KCNMA1: variants seen among roughly 807,000 people sequenced by gnomAD.
The protein encoded by KCNMA1 is Calcium-activated potassium channel subunit alpha-1.
Under a neutral mutation model 140.0 loss-of-function variants are expected in KCNMA1, and 29 were observed. The ratio of observed to expected loss-of-function variants is 0.21; its 90% CI spans 0.15 to 0.28. KCNMA1 has a LOEUF of 0.28. Among genes scored for constraint, KCNMA1 ranks in the 10% least tolerant of loss-of-function variants. The pLI, the probability that KCNMA1 is intolerant of heterozygous loss-of-function variation, is 1.00. For synonymous variants in KCNMA1, 612 were observed against 611.9 expected (o/e 1.00, Z 0.00); for missense variants, 880 against 1,602.2 (o/e 0.55, Z 7.70).
chr10:77,251,409 T>C (rs1298082683), intron 2 of KCNMA1, among the ~76,000 whole-genome samples, 153 bp from the exon 3 acceptor site: 1 of 152,146 alleles, frequency 6.6e-6, no homozygotes, highest in African/African-American at 2.4e-5. Flanking sequence ...CCCCCATTAC[T>C]GCTTCAGGTT....
intron 1 of KCNMA1, among the ~76,000 whole-genome samples, chr10:77,555,820 T>A (rs1280292795): frequency 2.6e-5 from 4 of 152,150 alleles, no homozygotes; most frequent in Non-Finnish European, 5.9e-5. Context: ...ATGGAAGGCA[T>A]CTGGAGAGGT....
At chr10:76,932,941 C>T (rs2152718957) in intron 23 of KCNMA1, among the ~76,000 whole-genome samples, 1 of 152,290 alleles carries the variant, frequency 6.6e-6, no homozygotes, top group East Asian at 1.9e-4. Context: ...GTCCTACAGC[C>T]TTGGGCCCTG....
At chr10:77,156,227 TAAAAAAAAA>T (rs58950492) in intron 5 of KCNMA1, among the ~76,000 whole-genome samples, 1,325 of 120,596 alleles carry the variant, frequency 0.011, 23 homozygotes, top group African/African-American at 0.04. Flanking sequence ...GACTCCATCT[TAAAAAAAAA>T]AAAAAAAAAA....
intron 25 of KCNMA1, chr10:76,901,616 T>C (rs371422290): frequency 6.6e-6 from 1 of 152,198 alleles, no homozygotes; most frequent in Non-Finnish European, 1.5e-5. Flanking sequence ...TAGCCTGAAA[T>C]TGTGTGAAAG....
At chr10:77,229,336 C>CAAAAAAAAA (rs146613662) in intron 3 of KCNMA1, among the ~76,000 whole-genome samples, 1 of 123,764 alleles carries the variant, frequency 8.1e-6, no homozygotes, top group African/African-American at 3.1e-5. Context: ...AAGCCCATGG[C>CAAAAAAAAA]AAAAAAAAAA....
At chr10:77,408,508 G>A (rs2096544538) in intron 1 of KCNMA1, among the ~76,000 whole-genome samples, 1 of 151,900 alleles carries the variant, frequency 6.6e-6, no homozygotes, top group Admixed American at 6.6e-5. Flanking sequence ...GTCTGAGAAT[G>A]TGTGCATGTG....
chr10:77,225,955 C>T (rs1180474084), intron 3 of KCNMA1, among the ~76,000 whole-genome samples: 5 of 152,178 alleles, frequency 3.3e-5, no homozygotes, highest in African/African-American at 9.7e-5. Context: ...GGCATCTTCC[C>T]GTCAATGCCC....
rs2093903465 is a variant in KCNMA1, at chr10:77,637,609, T to TGCTGCCGCCGCCGCC, written c.19_33dup (p.Gly7_Ser11dup). ...CCTCCGCCGCCGCCGCCGCCGCCGC[T>TGCTGCCGCCGCCGCC]GCTGCCGCCGCCGCCGCCGCCACCA... On this transcript the variant is annotated inframe_insertion, in exon 1 of 28. Transcript: ENST00000286628. The TGCTGCCGCCGCCGCC allele has an allele frequency of 1.3e-6, 2 of 1,521,256 alleles. No individual in the cohort carries two copies. The highest frequency in any genetic ancestry group is 5.0e-5 in the East Asian group (2 of 40,144). 94.2% of individuals were successfully genotyped at this position (1,521,256 alleles called of 1,614,324 possible).
chr10:76,942,067 G>A (rs1242602702), intron 23 of KCNMA1, among the ~76,000 whole-genome samples: 4 of 152,180 alleles, frequency 2.6e-5, no homozygotes, highest in Admixed American at 2.6e-4. Flanking sequence ...CACCTCCCGG[G>A]TTCAAGTGAT....
intron 1 of KCNMA1, among the ~76,000 whole-genome samples, chr10:77,569,433 A>C (rs1286112096): frequency 7.2e-6 from 1 of 139,112 alleles, no homozygotes; most frequent in Admixed American, 7.5e-5. Flanking sequence ...ATAACGCTGC[A>C]TATCTACAAC....
At chr10:77,506,823 AAGAG>A (rs147091712) in intron 1 of KCNMA1, among the ~76,000 whole-genome samples, 7 of 89,048 alleles carry the variant, frequency 7.9e-5, no homozygotes, top group Non-Finnish European at 1.4e-4. Flanking sequence ...GAGAGAGAGA[AAGAG>A]AGAGAGAGAG....
intron 2 of KCNMA1, among the ~76,000 whole-genome samples, chr10:77,373,289 A>T (rs1268822803): frequency 6.6e-6 from 1 of 152,158 alleles, no homozygotes; most frequent in Non-Finnish European, 1.5e-5. Flanking sequence ...ATACTTTGCC[A>T]CCCAGGTGCC....
intron 18 of KCNMA1, among the ~76,000 whole-genome samples, chr10:77,004,022 G>C (rs1447193984): frequency 6.6e-6 from 1 of 152,102 alleles, no homozygotes; most frequent in Non-Finnish European, 1.5e-5. Flanking sequence ...GCAGGAACAG[G>C]CTGAAACTGG....
intron 1 of KCNMA1, among the ~76,000 whole-genome samples, chr10:77,625,276 G>A (rs905389775): frequency 4.6e-5 from 7 of 152,102 alleles, no homozygotes; most frequent in African/African-American, 1.7e-4. Context: ...AGCTACTCCG[G>A]AGGCTGAGGC....
chr10:76,989,181 G>A (rs1415776338), intron 19 of KCNMA1, among the ~76,000 whole-genome samples: 1 of 152,086 alleles, frequency 6.6e-6, no homozygotes, highest in East Asian at 1.9e-4. Flanking sequence ...GCCTTTTTCT[G>A]TGCTTTCCTT....
intron 1 of KCNMA1, among the ~76,000 whole-genome samples, chr10:77,503,861 G>A (rs527591523): frequency 6.6e-6 from 1 of 152,196 alleles, no homozygotes; most frequent in African/African-American, 2.4e-5. Context: ...TTAGCAACAA[G>A]GTATCAAGTG....
chr10:77,573,520 C>G (rs1014998534), intron 1 of KCNMA1, among the ~76,000 whole-genome samples: 1 of 152,044 alleles, frequency 6.6e-6, no homozygotes, highest in Non-Finnish European at 1.5e-5. Flanking sequence ...GAGAGCTGGA[C>G]TACAACAGCA....
At chr10:77,282,366 C>A (rs1361647884) in intron 2 of KCNMA1, among the ~76,000 whole-genome samples, 1 of 152,200 alleles carries the variant, frequency 6.6e-6, no homozygotes, top group African/African-American at 2.4e-5. Context: ...AATTCTGTTT[C>A]TCCTATCTGC....
intron 5 of KCNMA1, among the ~76,000 whole-genome samples, chr10:77,133,134 G>GA (rs71477073): frequency 0.29 from 32,790 of 114,342 alleles, 4,604 homozygotes; most frequent in Middle Eastern, 0.43. Flanking sequence ...ATAGCCTAGA[G>GA]AAAAAAAAAA....
Sources: gnomAD v4.1 joint callset for allele counts (sites outside exome capture counted in the v4.1 genomes callset) on GRCh38, gnomAD v4.1.1 for gene constraint, MANE v1.5 for transcripts, NCBI Gene and HGNC (gene_info 2026-07-23, HGNC 2026-07-21) for gene names.